The following SORCS1 variants were observed in gnomAD, a reference collection of about 807,000 sequenced individuals.
SORCS1 encodes sortilin related VPS10 domain containing receptor 1.
A neutral mutation model predicts 146.1 loss-of-function variants in SORCS1; 60 were observed. That is an observed-to-expected ratio of 0.41 (90% CI 0.33 to 0.51). The LOEUF is 0.51. Ranked by LOEUF, SORCS1 falls within the 20% of genes least tolerant of loss-of-function variation. The pLI, the probability that SORCS1 is intolerant of heterozygous loss-of-function variation, is 0.21. For missense variants in SORCS1, 1,352 were observed against 1,487.6 expected (o/e 0.91, Z 1.50); for synonymous variants, 637 against 584.0 (o/e 1.09, Z -1.31).
At chr10:107,056,764 A>C (rs966556359) in intron 1 of SORCS1, among the ~76,000 whole-genome samples, 21 of 152,240 alleles carry the variant, frequency 1.4e-4, no homozygotes, top group Non-Finnish European at 2.8e-4. Context: ...AACTTCTTCC[A>C]AGACAGACAG....
Position 106,867,300 on chromosome 10 carries a change from T to TTG in SORCS1, c.627-37628_627-37627insCA, listed in dbSNP as rs1554866322. Among the ~76,000 whole-genome samples the TTG allele has an allele frequency of 3.3e-5, 5 of 152,110 alleles. No homozygotes were observed. The South Asian group carries it at 6.2e-4, about 19-fold the overall frequency. ...AGCTTATATTAAATTTTTTTTTTTT[T>TTG]TTGAAACGGAGTCTCGTTCTGTCGC... is the stretch of plus-strand genomic sequence containing the variant. On this transcript the variant is annotated intron_variant, in intron 2 of 25. Coordinates refer to ENST00000263054, the MANE Select transcript of SORCS1 (RefSeq NM_052918.5).
chr10:106,783,727 A>G (rs1861068991), intron 3 of SORCS1, among the ~76,000 whole-genome samples: 2 of 152,178 alleles, frequency 1.3e-5, no homozygotes, highest in South Asian at 4.1e-4. Flanking sequence ...CATACCCCAG[A>G]TTTTTCACAA....
intron 2 of SORCS1, among the ~76,000 whole-genome samples, chr10:106,878,809 T>G (rs1420115913): frequency 6.6e-6 from 1 of 151,310 alleles, no homozygotes; most frequent in Non-Finnish European, 1.5e-5. Flanking sequence ...TACTAATGTT[T>G]ACAGAATGTG....
intron 2 of SORCS1, among the ~76,000 whole-genome samples, chr10:106,915,680 C>G (rs1952386290): frequency 6.6e-6 from 1 of 152,142 alleles, no homozygotes; most frequent in Admixed American, 6.6e-5. Flanking sequence ...ACATAGTAGA[C>G]TCACACTGAA....
chr10:106,901,754 A>C (rs1043850600), intron 2 of SORCS1, among the ~76,000 whole-genome samples: 40 of 152,262 alleles, frequency 2.6e-4, no homozygotes, highest in African/African-American at 9.6e-4. Flanking sequence ...AAAAAATTAG[A>C]TTTTACTGGC....
intron 1 of SORCS1, among the ~76,000 whole-genome samples, chr10:107,101,846 G>A (rs191726389): frequency 1.3e-5 from 2 of 152,084 alleles, no homozygotes; most frequent in Non-Finnish European, 2.9e-5. Flanking sequence ...CTTTAAGTAT[G>A]ACATTTTCCA....
chr10:106,919,555 G>C (rs973730733), intron 2 of SORCS1, among the ~76,000 whole-genome samples: 1 of 152,112 alleles, frequency 6.6e-6, no homozygotes, highest in Non-Finnish European at 1.5e-5. Context: ...GATTCTGATA[G>C]GTGTGTGTGT....
chr10:106,780,007 T>C (rs1318111408), intron 3 of SORCS1, among the ~76,000 whole-genome samples: 1 of 152,204 alleles, frequency 6.6e-6, no homozygotes, highest in East Asian at 1.9e-4. Context: ...TTGCTTCAAA[T>C]GAATTGATGT....
chr10:107,176,391 A>C, the SORCS1 span, among the ~76,000 whole-genome samples: 1 of 148,704 alleles, frequency 6.7e-6, no homozygotes, highest in Non-Finnish European at 1.5e-5. Context: ...AGTGCAGTGC[A>C]GTGGTGTGAT....
chr10:107,093,761 A>G (rs1964367676), intron 1 of SORCS1, among the ~76,000 whole-genome samples: 1 of 151,762 alleles, frequency 6.6e-6, no homozygotes, highest in Non-Finnish European at 1.5e-5. Context: ...CCTATGGTGG[A>G]TGGAGAAGCC....
intron 1 of SORCS1, among the ~76,000 whole-genome samples, chr10:107,059,558 G>A (rs1257704885): frequency 6.6e-6 from 1 of 152,148 alleles, no homozygotes; most frequent in Non-Finnish European, 1.5e-5. Context: ...TTTCCTGGGA[G>A]GTCATAAGTG....
intron 5 of SORCS1, among the ~76,000 whole-genome samples, chr10:106,743,187 G>A (rs1857479077): frequency 6.6e-6 from 1 of 151,942 alleles, no homozygotes; most frequent in South Asian, 2.1e-4. Flanking sequence ...GAAAGAGAGG[G>A]AGTAAAAGAG....
intron 1 of SORCS1, among the ~76,000 whole-genome samples, chr10:106,980,125 T>C (rs781241428): frequency 4.6e-5 from 7 of 152,200 alleles, no homozygotes; most frequent in Non-Finnish European, 2.9e-5. Context: ...TGAGGATTAT[T>C]TGTAAAATCT....
intron 1 of SORCS1, among the ~76,000 whole-genome samples, chr10:107,103,080 A>T (rs1965052468): frequency 6.6e-6 from 1 of 152,092 alleles, no homozygotes; most frequent in Admixed American, 6.6e-5. Context: ...GTCACAATAA[A>T]CTCAGGAGAA....
the SORCS1 span, among the ~76,000 whole-genome samples, chr10:107,179,148 T>C: frequency 6.6e-6 from 1 of 152,222 alleles, no homozygotes; most frequent in African/African-American, 2.4e-5. Flanking sequence ...TTTTTGATAA[T>C]AGCCATTCTA....
At chr10:106,634,379 G>A (rs1227272639) in intron 18 of SORCS1, among the ~76,000 whole-genome samples, 2 of 151,698 alleles carry the variant, frequency 1.3e-5, no homozygotes, top group Admixed American at 1.3e-4. Flanking sequence ...ATTATCTCAT[G>A]TGGATGTTAG....
intron 1 of SORCS1, among the ~76,000 whole-genome samples, chr10:107,091,669 T>G (rs1394393851): frequency 6.6e-6 from 1 of 152,224 alleles, no homozygotes; most frequent in Non-Finnish European, 1.5e-5. Context: ...GATTCAATCA[T>G]CTTCTGAAAT....
chr10:106,936,485 A>C (rs538028030), intron 2 of SORCS1, among the ~76,000 whole-genome samples: 6 of 152,196 alleles, frequency 3.9e-5, no homozygotes, highest in Non-Finnish European at 8.8e-5. Context: ...TCAAGCAGAG[A>C]AGAATGTATG....
At chr10:107,176,991 T>A in the SORCS1 span, among the ~76,000 whole-genome samples, 4 of 152,132 alleles carry the variant, frequency 2.6e-5, no homozygotes, top group African/African-American at 4.8e-5. Flanking sequence ...TCTCCTTGAT[T>A]TGTTTTCGAT....
Sources: gnomAD v4.1 joint callset for allele counts (sites outside exome capture counted in the v4.1 genomes callset) on GRCh38, gnomAD v4.1.1 for gene constraint, MANE v1.5 for transcripts, NCBI Gene and HGNC (gene_info 2026-07-23, HGNC 2026-07-21) for gene names.